TMEM94: variants seen among roughly 807,000 people sequenced by gnomAD.
The protein encoded by TMEM94 is transmembrane protein 94.
In TMEM94, 81 loss-of-function variants were observed where a neutral mutation model predicts 158.6. The observed-to-expected ratio is 0.51, with a 90% CI of 0.43 to 0.61. TMEM94 has a LOEUF of 0.61. TMEM94 is among the 20% of genes least tolerant of loss of function. The pLI is 0.00. For synonymous variants in TMEM94, 751 were observed against 730.7 expected, an observed-to-expected ratio of 1.03 and a Z score of -0.45; for missense variants, 1,435 against 1,762.0, an observed-to-expected ratio of 0.81 and a Z score of 3.32.
chr17:75,497,773 C>T lies in TMEM94; in HGVS notation c.3408-8C>T. ...TCACCATCCCTCTACCTGATCTCTG[C>T]TTTTCAGCATCTCTCTGCTGGGGAA... On this transcript the variant is annotated splice_polypyrimidine_tract_variant and splice_region_variant and intron_variant, in intron 26 of 31. Coordinates refer to ENST00000314256, the MANE Select transcript of TMEM94 (RefSeq NM_014738.6). 2 of 1,611,746 alleles carry T rather than the reference C, an allele frequency of 1.2e-6. No individual in the cohort carries two copies. Among genetic ancestry groups the T allele is most frequent in the Non-Finnish European group, 1.7e-6 (2 of 1,177,882 alleles).
At chr17:75,467,520 CTTTTT>C (rs947595391) in intron 1 of TMEM94, among the ~76,000 whole-genome samples, 4 of 99,144 alleles carry the variant, frequency 4.0e-5, no homozygotes, top group African/African-American at 1.7e-4. Flanking sequence ...ATTTCTTTTT[CTTTTT>C]TTTTTTTTTT....
chr17:75,499,257 A>C lies in TMEM94; in HGVS notation c.3999-5A>C, dbSNP rs1380250237. The C allele has an allele frequency of 1.9e-6, 3 of 1,613,382 alleles. No homozygotes were observed. The South Asian group carries it at 3.3e-5, about 18-fold the overall frequency. The stretch of plus-strand genomic sequence containing the variant: ...AACCTGTACTTTAATCTCCTGCCCC[A>C]CCAGGGTCCGAGTCCGCTACCAGAA... On this transcript the variant is annotated splice_polypyrimidine_tract_variant and splice_region_variant and intron_variant, in intron 31 of 31. Transcript: ENST00000314256.
At chr17:75,484,153 C>T (rs2051391942) in intron 2 of TMEM94, among the ~76,000 whole-genome samples, 1 of 152,196 alleles carries the variant, frequency 6.6e-6, no homozygotes, top group South Asian at 2.1e-4. Context: ...TGGGAGTGTG[C>T]CTCTGCACAG....
chr17:75,498,402 C>A lies in TMEM94; in HGVS notation c.3639-42C>A. The A allele has an allele frequency of 6.2e-7, 1 of 1,608,870 alleles. No individual in the cohort carries two copies. Among genetic ancestry groups the A allele is most frequent in the Non-Finnish European group, 8.5e-7 (1 of 1,177,112 alleles). The stretch of plus-strand genomic sequence containing the variant: ...TCCCTCCCCACCCCAGCCTACCTCC[C>A]TGCGGCCCTAGAGGGGCTGAGCCCA... On this transcript the variant is annotated intron_variant, in intron 28 of 31. Coordinates refer to ENST00000314256, the MANE Select transcript of TMEM94 (RefSeq NM_014738.6). This position sits in a 1 kb window ranked among gnomAD's most constrained non-coding sequence, Gnocchi z 6.7.
At chr17:75,481,113 A>G (rs2051126618) in intron 2 of TMEM94, among the ~76,000 whole-genome samples, 1 of 151,924 alleles carries the variant, frequency 6.6e-6, no homozygotes, top group African/African-American at 2.4e-5. Context: ...CTCCCTTACA[A>G]CCCTCCCTGA....
At position 75,498,454 on chromosome 17, in the gene TMEM94, A is replaced by G; in HGVS notation, c.3649A>G (p.Arg1217Gly). 2.5e-6 allele frequency: 4 copies of G among 1,587,188 alleles called. No individual in the cohort carries two copies. The highest frequency in any genetic ancestry group is 3.4e-6 in the Non-Finnish European group (4 of 1,164,748). The part of the protein sequence containing the change: ...SSVMLPSNDD[R>G]APAWFEDFAN... Reference sequence around the variant, plus strand: ...GCCTCACTTTGGCAGCAACGACGACAGGGCTCCAGCCTGGTTTGAGGACTT... The same window carrying G: ...GCCTCACTTTGGCAGCAACGACGACGGGGCTCCAGCCTGGTTTGAGGACTT... The change falls in exon 29 of 32, where the codon AGG (arginine) becomes GGG (glycine). Residue 1217 changes from arginine to glycine, a missense_variant. Arg to Gly is a moderately radical substitution (Grantham distance 125). This residue lies in a region of TMEM94 where 335 missense variants were observed against 409.1 expected (regional missense o/e 0.82). Transcript: ENST00000314256. The surrounding 1 kb of genome is among the most constrained non-coding windows in gnomAD (Gnocchi z 6.7).
chr17:75,494,300 A>G (rs2052485872), intron 18 of TMEM94, among the ~76,000 whole-genome samples: 1 of 152,180 alleles, frequency 6.6e-6, no homozygotes, highest in South Asian at 2.1e-4. Context: ...ACGCCACCCC[A>G]TTCCCACCAG....
At chr17:75,467,828 G>A (rs145407719) in intron 1 of TMEM94, among the ~76,000 whole-genome samples, 3 of 152,120 alleles carry the variant, frequency 2.0e-5, no homozygotes, top group African/African-American at 4.8e-5. Context: ...CACCGCGCCC[G>A]GCCCCATTTC....
In TMEM94 at chr17:75,491,925, C is replaced by A. The variant is rs1275860307; in HGVS notation, c.1596+25C>A. On this transcript the variant is annotated intron_variant, in intron 14 of 31. Transcript: ENST00000314256. This position sits in a 1 kb window ranked among gnomAD's most constrained non-coding sequence, Gnocchi z 5.1. ...GGTGACGGGAGGGGGTGGCACGGGG[C>A]AGCCACACCCTCGGCCACAGGCTGT... 1.9e-6 allele frequency: 3 copies of A among 1,587,956 alleles called. No individual in the cohort carries two copies. In the Admixed American group the frequency reaches 5.3e-5, roughly 28 times the overall value.
Position 75,495,910 on chromosome 17 carries a change from G to C in TMEM94, c.2945-56G>C. 1 of 1,306,368 alleles carries C rather than the reference G, an allele frequency of 7.7e-7. No individual in the cohort carries two copies. Among genetic ancestry groups the C allele is most frequent in the Non-Finnish European group, 1.1e-6 (1 of 910,770 alleles). 80.9% of individuals were successfully genotyped at this position (1,306,368 alleles called of 1,614,324 possible). On this transcript the variant is annotated intron_variant, in intron 22 of 31. Transcript: ENST00000314256. This position sits in a 1 kb window ranked among gnomAD's most constrained non-coding sequence, Gnocchi z 5.6. ...CTCCTGTCCCATGGGTCTCTGCCCA[G>C]TGCCCACTTGGTGCTCTGCCTGCCT...
intron 2 of TMEM94, among the ~76,000 whole-genome samples, chr17:75,482,321 G>A (rs2051225291): frequency 6.6e-6 from 1 of 152,028 alleles, no homozygotes; most frequent in African/African-American, 2.4e-5. Flanking sequence ...ACTCCAGCCT[G>A]GGCAACAGAA....
At chr17:75,459,574 G>C (rs1470314643) in intron 1 of TMEM94, 1 of 152,180 alleles carries the variant, frequency 6.6e-6, no homozygotes, top group East Asian at 1.9e-4. Context: ...CCCTAAGTTG[G>C]GCTTGAGAAA....
In TMEM94 at chr17:75,489,453, G is replaced by A. The variant is rs538029799; in HGVS notation, c.867+85G>A. 144 of 1,488,040 alleles carry A rather than the reference G, an allele frequency of 9.7e-5. No individual in the cohort carries two copies. The highest frequency in any genetic ancestry group is 1.3e-4 in the Non-Finnish European group (134 of 1,066,724). 92.2% of individuals were successfully genotyped at this position (1,488,040 alleles called of 1,614,324 possible). A position where few individuals can be genotyped will look rare whatever the true frequency, so the allele number is the denominator to read the frequency against. ...GGGTCTCAGGGCCACTCACATGAGC[G>A]GGAGTGAATGCAGAGGGTCCCAGAG... On this transcript the variant is annotated intron_variant, in intron 8 of 31. Coordinates refer to ENST00000314256, the MANE Select transcript of TMEM94 (RefSeq NM_014738.6). This position sits in a 1 kb window ranked among gnomAD's most constrained non-coding sequence, Gnocchi z 5.0.
chr17:75,462,321 G>T (rs939607009), intron 1 of TMEM94, among the ~76,000 whole-genome samples: 8 of 152,032 alleles, frequency 5.3e-5, no homozygotes, highest in Non-Finnish European at 8.8e-5. Context: ...GATTACAGGC[G>T]TGAGCCACTG....
At chr17:75,493,392 G>C in intron 16 of TMEM94, 99 bp from the exon 17 acceptor site, 1 of 1,218,706 alleles carries the variant, frequency 8.2e-7, no homozygotes, top group Non-Finnish European at 1.2e-6. Flanking sequence ...TCTGGCAGGG[G>C]CTCCTCAGCG....
intron 2 of TMEM94, among the ~76,000 whole-genome samples, chr17:75,480,739 G>A (rs2051094929): frequency 6.6e-6 from 1 of 152,240 alleles, no homozygotes; most frequent in African/African-American, 2.4e-5. Context: ...TCTAGGCCGA[G>A]CATCTTCCCA....
Position 75,492,367 on chromosome 17 carries a change from G to A in TMEM94, c.1597-107G>A, listed in dbSNP as rs2052282407. On this transcript the variant is annotated intron_variant, in intron 14 of 31. Transcript: ENST00000314256. The surrounding 1 kb of genome is among the most constrained non-coding windows in gnomAD (Gnocchi z 4.4). Reference sequence around the variant, plus strand: ...GCAGCAGCTCTCTCCTGGGAAGGGTGCCTTTCAGGGGCAGGAGCCCTCCCC... The same window carrying A: ...GCAGCAGCTCTCTCCTGGGAAGGGTACCTTTCAGGGGCAGGAGCCCTCCCC... 1 of 1,457,656 alleles carries A rather than the reference G, an allele frequency of 6.9e-7. No individual in the cohort carries two copies. The highest frequency in any genetic ancestry group is 1.4e-5 in the African/African-American group (1 of 70,312). 90.3% of individuals were successfully genotyped at this position (1,457,656 alleles called of 1,614,324 possible). A position where few individuals can be genotyped will look rare whatever the true frequency, so the allele number is the denominator to read the frequency against.
chr17:75,493,130 C>T (rs1431115718), intron 16 of TMEM94, 28 bp downstream of exon 16: 11 of 1,604,342 alleles, frequency 6.9e-6, no homozygotes, highest in South Asian at 1.1e-5. Flanking sequence ...TGGCCAGCAC[C>T]AGGCGAGACC....
In TMEM94 at chr17:75,488,791, C is replaced by A. The variant is rs745789326; in HGVS notation, c.645C>A (p.Asp215Glu). 1 of 1,613,722 alleles carries A rather than the reference C, an allele frequency of 6.2e-7. No homozygotes were observed. The highest frequency in any genetic ancestry group is 8.5e-7 in the Non-Finnish European group (1 of 1,179,902). ...AGCACATCGTCCTGGAGCCGGGAGA[C>A]CTCTTCCCCCCCTTCTCCCCTCCAC... is the stretch of plus-strand genomic sequence containing the variant. ...DDEHIVLEPG[D>E]LFPPFSPPPS... The change falls in exon 7 of 32, where the codon GAC (aspartate) becomes GAA (glutamate). Residue 215 changes from aspartate (D) to glutamate (E), a missense_variant. By Grantham distance (45) the Asp-to-Glu change is conservative. Transcript: ENST00000314256.
Sources: gnomAD v4.1 joint callset for allele counts (sites outside exome capture counted in the v4.1 genomes callset) on GRCh38, gnomAD v4.1.1 for gene constraint, gnomAD v4.1.1 regional missense constraint, Gnocchi (gnomAD v3.1) non-coding constraint, MANE v1.5 for transcripts, NCBI Gene and HGNC (gene_info 2026-07-23, HGNC 2026-07-21) for gene names.